Variants in LHFPL3 observed in about 807,000 individuals in gnomAD.
LHFPL3 encodes the protein LHFPL tetraspan subfamily member 3.
LHFPL3 carries 5 observed loss-of-function variants against 19.3 expected under a neutral mutation model. The ratio of observed to expected loss-of-function variants is 0.26; its 90% confidence interval spans 0.14 to 0.54. The LOEUF (loss-of-function observed/expected upper bound fraction) is 0.54, where lower values mean the gene tolerates loss of function less well. LHFPL3 is among the 20% of genes least tolerant of loss of function. The probability of loss-of-function intolerance (pLI) is 0.94; values close to 1 mark genes in which losing one functional copy is unlikely to be tolerated. For missense variants in LHFPL3, 249 were observed against 307.4 expected, an observed-to-expected ratio of 0.81 and a Z score of 1.42; for synonymous variants, 133 against 126.2, an observed-to-expected ratio of 1.05 and a Z score of -0.36.
chr7:104,639,395 T>A (rs1301358188), intron 1 of LHFPL3, among the ~76,000 whole-genome samples: 1 of 152,190 alleles, frequency 6.6e-6, no homozygotes, highest in Non-Finnish European at 1.5e-5. Context: ...TGATTGTTAT[T>A]TGTATTTCTG....
chr7:104,502,320 G>A (rs895791673), intron 1 of LHFPL3, among the ~76,000 whole-genome samples: 5 of 151,972 alleles, frequency 3.3e-5, no homozygotes, highest in African/African-American at 1.2e-4. Flanking sequence ...CTCTTTTACT[G>A]GAAGAATAGG....
rs183735929 is a variant in LHFPL3 at position 104,672,800 on chromosome 7, A to C, written c.446-63875A>C. On this transcript the variant is annotated intron_variant, in intron 1 of 2. Coordinates refer to ENST00000424859, the MANE Select transcript of LHFPL3 (RefSeq NM_199000.3). ...GTTCCTGCTGTTTTCCTTCACCTGC[A>C]TCTACCTTCCACCCCCGCCATTTTG... 1.2e-3 allele frequency among the ~76,000 whole-genome samples: 178 copies of C among 152,186 alleles called. 1 individual carries two copies. The highest frequency in any genetic ancestry group is 4.0e-3 in the African/African-American group (165 of 41,504).
At chr7:104,441,200 T>C (rs766722598) in intron 1 of LHFPL3, among the ~76,000 whole-genome samples, 1 of 152,224 alleles carries the variant, frequency 6.6e-6, no homozygotes, top group Non-Finnish European at 1.5e-5. Flanking sequence ...CTCATTTTTC[T>C]GTCCCCACAA....
At chr7:104,871,607 CTT>C (rs1366617973) in intron 2 of LHFPL3, among the ~76,000 whole-genome samples, 3 of 152,116 alleles carry the variant, frequency 2.0e-5, no homozygotes, top group Non-Finnish European at 4.4e-5. Context: ...CTTTCTGACT[CTT>C]TTAGAATAAC....
At chr7:104,591,229 C>T (rs59950565) in intron 1 of LHFPL3, among the ~76,000 whole-genome samples, 1 of 152,276 alleles carries the variant, frequency 6.6e-6, no homozygotes, top group East Asian at 1.9e-4. Context: ...TACAATTTGG[C>T]ATGTTTTTGC....
chr7:104,886,988 G>T (rs1032859398), intron 2 of LHFPL3, among the ~76,000 whole-genome samples: 1 of 152,208 alleles, frequency 6.6e-6, no homozygotes, highest in African/African-American at 2.4e-5. Flanking sequence ...CACTTGCTCT[G>T]AACATTTAAC....
Position 104,875,744 on chromosome 7 carries a change from C to T in LHFPL3, c.683-30443C>T, listed in dbSNP as rs1385165748. Reference sequence around the variant, plus strand: ...CCCACAATAAAGAGATAGGAGGATTCCCAGTTTGGTCAAGTACTGATTCCA... The same window carrying T: ...CCCACAATAAAGAGATAGGAGGATTTCCAGTTTGGTCAAGTACTGATTCCA... On this transcript the variant is annotated intron_variant, in intron 2 of 2. Transcript: ENST00000424859. Among the ~76,000 whole-genome samples, 9 of 152,196 alleles carry T rather than the reference C, an allele frequency of 5.9e-5. No homozygotes were observed. The South Asian group carries it at 8.3e-4, about 14-fold the overall frequency.
At chr7:104,528,168 G>C (rs1267538743) in intron 1 of LHFPL3, among the ~76,000 whole-genome samples, 1 of 152,164 alleles carries the variant, frequency 6.6e-6, no homozygotes, top group Non-Finnish European at 1.5e-5. Context: ...CAGGAATTCT[G>C]TTGATTTGAT....
chr7:104,397,036 T>TA (rs1224163825), intron 1 of LHFPL3, among the ~76,000 whole-genome samples: 3 of 152,084 alleles, frequency 2.0e-5, no homozygotes, highest in Non-Finnish European at 4.4e-5. Flanking sequence ...TTGGTTGGAT[T>TA]AAAAAACATC....
At chr7:104,407,967 A>T (rs995048155) in intron 1 of LHFPL3, among the ~76,000 whole-genome samples, 17 of 152,162 alleles carry the variant, frequency 1.1e-4, no homozygotes, top group Non-Finnish European at 4.4e-5. Context: ...CTGTCATCTA[A>T]TTTCACCCTC....
intron 1 of LHFPL3, among the ~76,000 whole-genome samples, chr7:104,398,507 G>A (rs1459568988): frequency 6.6e-6 from 1 of 152,138 alleles, no homozygotes; most frequent in Non-Finnish European, 1.5e-5. Flanking sequence ...CTGAGAAACT[G>A]TTCCAGTAAA....
chr7:104,571,328 C>T (rs888639144), intron 1 of LHFPL3, among the ~76,000 whole-genome samples: 7 of 152,108 alleles, frequency 4.6e-5, no homozygotes, highest in African/African-American at 1.7e-4. Flanking sequence ...CAAACTCTTT[C>T]CTCAGTCTTC....
At chr7:104,712,629 A>G (rs1173582995) in intron 1 of LHFPL3, among the ~76,000 whole-genome samples, 2 of 152,222 alleles carry the variant, frequency 1.3e-5, no homozygotes, top group African/African-American at 4.8e-5. Flanking sequence ...GGCAGCCTCT[A>G]GAAGCTGAAA....
chr7:104,560,764 T>C (rs1449673629), intron 1 of LHFPL3, among the ~76,000 whole-genome samples: 3 of 146,722 alleles, frequency 2.0e-5, no homozygotes, highest in African/African-American at 7.8e-5. Context: ...GTTCTTTTAA[T>C]TGTGATGTTA....
intron 1 of LHFPL3, among the ~76,000 whole-genome samples, chr7:104,703,317 A>G (rs1353041672): frequency 1.3e-5 from 2 of 152,178 alleles, no homozygotes; most frequent in South Asian, 2.1e-4. Context: ...GTCCTTTAGC[A>G]TGTTTATTTT....
chr7:104,551,748 A>G (rs959657849), intron 1 of LHFPL3, among the ~76,000 whole-genome samples: 4 of 152,194 alleles, frequency 2.6e-5, no homozygotes, highest in African/African-American at 9.6e-5. Context: ...GGTGATTCTT[A>G]GAAATAAGAA....
chr7:104,555,760 C>T (rs1794751864), intron 1 of LHFPL3, among the ~76,000 whole-genome samples: 1 of 152,220 alleles, frequency 6.6e-6, no homozygotes, highest in African/African-American at 2.4e-5. Flanking sequence ...CCAGCATTAA[C>T]TCAGAAATCC....
chr7:104,855,772 C>T (rs540778628), intron 2 of LHFPL3, among the ~76,000 whole-genome samples: 7 of 152,090 alleles, frequency 4.6e-5, no homozygotes, highest in South Asian at 4.2e-4. Flanking sequence ...TACAGGTGCA[C>T]GCCACCACAC....
At chr7:104,778,103 G>A (rs1794661471) in intron 2 of LHFPL3, among the ~76,000 whole-genome samples, 1 of 152,230 alleles carries the variant, frequency 6.6e-6, no homozygotes, top group African/African-American at 2.4e-5. Flanking sequence ...GGTCCTAAAA[G>A]GGTGGACCTA....
Sources: gnomAD v4.1 joint callset for allele counts (sites outside exome capture counted in the v4.1 genomes callset) on GRCh38, gnomAD v4.1.1 for gene constraint, MANE v1.5 for transcripts, NCBI Gene and HGNC (gene_info 2026-07-23, HGNC 2026-07-21) for gene names.